AGBL4: variants seen among roughly 807,000 people sequenced by gnomAD.
AGBL4 encodes the protein cytosolic carboxypeptidase 6.
Under a neutral mutation model 66.4 loss-of-function variants are expected in AGBL4, and 58 were observed. The ratio of observed to expected loss-of-function variants is 0.87; its 90% CI spans 0.71 to 1.09. The LOEUF (loss-of-function observed/expected upper bound fraction) is 1.09. Among genes scored for constraint, AGBL4 ranks in the 50% least tolerant of loss-of-function variants. AGBL4 has a pLI of 0.00. For missense variants in AGBL4, 579 were observed against 631.0 expected (o/e 0.92, Z 0.88); for synonymous variants, 234 against 222.9 (o/e 1.05, Z -0.44).
chr1:48,831,457 T>C (rs1383882480), intron 6 of AGBL4, among the ~76,000 whole-genome samples: 1 of 152,216 alleles, frequency 6.6e-6, no homozygotes, highest in Non-Finnish European at 1.5e-5. Flanking sequence ...GTTCGACTAT[T>C]ACTTCCTTTC....
chr1:48,893,666 CAG>C (rs1178844035), intron 5 of AGBL4, among the ~76,000 whole-genome samples: 1 of 150,616 alleles, frequency 6.6e-6, no homozygotes, highest in Non-Finnish European at 1.5e-5. Flanking sequence ...GCCTGGGCAA[CAG>C]AGTGAGACTC....
intron 2 of AGBL4, among the ~76,000 whole-genome samples, chr1:49,796,464 C>T (rs986050034): frequency 9.9e-5 from 15 of 151,226 alleles, no homozygotes; most frequent in Middle Eastern, 4.0e-3. Context: ...TAAATAATTC[C>T]AACCGCTTAA....
chr1:49,127,311 A>G (rs892129236), intron 4 of AGBL4, among the ~76,000 whole-genome samples: 1 of 152,160 alleles, frequency 6.6e-6, no homozygotes, highest in Non-Finnish European at 1.5e-5. Context: ...AGTGAAGGAT[A>G]AAATACTACA....
At chr1:49,443,065 G>C (rs966571302) in intron 3 of AGBL4, among the ~76,000 whole-genome samples, 1 of 152,076 alleles carries the variant, frequency 6.6e-6, no homozygotes, top group African/African-American at 2.4e-5. Flanking sequence ...TTGGCTGTTT[G>C]TGTGTTTTCT....
At chr1:49,465,032 C>G (rs976308101) in intron 3 of AGBL4, among the ~76,000 whole-genome samples, 3 of 151,692 alleles carry the variant, frequency 2.0e-5, no homozygotes, top group African/African-American at 7.3e-5. Context: ...TCACAAAGAA[C>G]ACTGGCATTT....
chr1:49,768,734 T>A (rs570750784), intron 2 of AGBL4, among the ~76,000 whole-genome samples: 1 of 152,226 alleles, frequency 6.6e-6, no homozygotes, highest in East Asian at 1.9e-4. Context: ...GTCAAAATAT[T>A]TCTCTTCACT....
At chr1:48,809,939 G>A (rs1646011253) in intron 6 of AGBL4, among the ~76,000 whole-genome samples, 1 of 152,066 alleles carries the variant, frequency 6.6e-6, no homozygotes, top group Non-Finnish European at 1.5e-5. Context: ...CAGGCATTTA[G>A]GGTGGTATAA....
At chr1:49,349,850 T>A (rs1267296597) in intron 3 of AGBL4, among the ~76,000 whole-genome samples, 1 of 152,140 alleles carries the variant, frequency 6.6e-6, no homozygotes, top group South Asian at 2.1e-4. Flanking sequence ...GGTGTTCTTA[T>A]AAGAAAATAT....
chr1:49,614,142 C>A lies in AGBL4; in HGVS notation c.282+83171G>T, dbSNP rs544141745. Reference sequence around the variant, plus strand: ...ATCTTGATTTTTTAAAGAAACCCAGCACACCTGTATATGTACCCCTCATTT... The same window carrying A: ...ATCTTGATTTTTTAAAGAAACCCAGAACACCTGTATATGTACCCCTCATTT... On this transcript the variant is annotated intron_variant, in intron 3 of 13. Coordinates refer to ENST00000371839, the MANE Select transcript of AGBL4 (RefSeq NM_032785.4). Among the ~76,000 whole-genome samples the A allele has an allele frequency of 1.3e-3, 201 of 152,226 alleles. 1 individual carries two copies. Among genetic ancestry groups the A allele is most frequent in the Admixed American group, 2.7e-3 (42 of 15,286 alleles).
At chr1:48,830,818 A>G (rs1055582280) in intron 6 of AGBL4, among the ~76,000 whole-genome samples, 4 of 152,236 alleles carry the variant, frequency 2.6e-5, no homozygotes, top group Admixed American at 2.6e-4. Flanking sequence ...AAAGCTGTTC[A>G]TCACAACATT....
intron 5 of AGBL4, among the ~76,000 whole-genome samples, chr1:49,023,769 C>A (rs949683691): frequency 6.6e-6 from 1 of 152,132 alleles, no homozygotes; most frequent in Non-Finnish European, 1.5e-5. Flanking sequence ...TTATAAATGG[C>A]AGAATCCCAA....
intron 3 of AGBL4, among the ~76,000 whole-genome samples, chr1:49,579,613 C>G (rs1173312366): frequency 1.3e-5 from 2 of 152,152 alleles, no homozygotes; most frequent in African/African-American, 4.8e-5. Flanking sequence ...CATTCTCCTG[C>G]CTCAGCCTCC....
Position 49,697,347 on chromosome 1 carries a change from A to G in AGBL4, c.248T>C (p.Phe83Ser), listed in dbSNP as rs1441497171. Reference protein sequence around the residue: ...DTCNPRFRVWFNFTVENVKES... With the variant: ...DTCNPRFRVWSNFTVENVKES... ...TTTCACATTTTCAACAGTAAAGTTG[A>G]ACCAGACTCGGAAGCGTGGATTACA... The change falls in exon 3 of 14, where the codon TTC (phenylalanine) becomes TCC (serine). Residue 83 changes from phenylalanine (F) to serine (S), a missense_variant. Coordinates refer to ENST00000371839, the MANE Select transcript of AGBL4 (RefSeq NM_032785.4). 1.9e-6 allele frequency: 3 copies of G among 1,548,000 alleles called. No homozygotes were observed. The highest frequency in any genetic ancestry group is 2.6e-6 in the Non-Finnish European group (3 of 1,144,360).
intron 3 of AGBL4, among the ~76,000 whole-genome samples, chr1:49,384,681 A>T (rs1644698843): frequency 6.6e-6 from 1 of 152,214 alleles, no homozygotes; most frequent in Non-Finnish European, 1.5e-5. Flanking sequence ...GAGAAATGCA[A>T]GTCAAAACCA....
intron 1 of AGBL4, among the ~76,000 whole-genome samples, chr1:49,976,913 A>G (rs186161013): frequency 1.3e-5 from 2 of 152,194 alleles, no homozygotes; most frequent in African/African-American, 4.8e-5. Context: ...AACTTAATCA[A>G]TTTAGAAGAT....
At chr1:48,870,840 C>T (rs187077695) in intron 5 of AGBL4, among the ~76,000 whole-genome samples, 105 of 152,298 alleles carry the variant, frequency 6.9e-4, no homozygotes, top group African/African-American at 2.4e-3. Flanking sequence ...TTGTTTTAAC[C>T]TCTAGCTCTT....
At chr1:48,692,681 G>A (rs1287788148) in intron 6 of AGBL4, among the ~76,000 whole-genome samples, 1 of 152,168 alleles carries the variant, frequency 6.6e-6, no homozygotes, top group Non-Finnish European at 1.5e-5. Flanking sequence ...GGTGATCCAG[G>A]GGTGATCCAG....
intron 3 of AGBL4, among the ~76,000 whole-genome samples, chr1:49,367,801 C>G (rs1398956999): frequency 1.3e-5 from 2 of 152,164 alleles, no homozygotes; most frequent in East Asian, 3.9e-4. Flanking sequence ...AAATTATTTA[C>G]CAATTCAGTG....
chr1:49,102,911 C>A (rs890772691), intron 4 of AGBL4, among the ~76,000 whole-genome samples: 3 of 152,150 alleles, frequency 2.0e-5, no homozygotes, highest in African/African-American at 7.2e-5. Context: ...TGCTGAAGGA[C>A]AAAGAGAGAT....
Sources: allele counts gnomAD v4.1 joint callset (sites outside exome capture counted in the v4.1 genomes callset), GRCh38; gene constraint gnomAD v4.1.1; transcripts MANE v1.5; gene names NCBI Gene and HGNC (gene_info 2026-07-23, HGNC 2026-07-21).